Variants in RHOT2 observed in about 807,000 individuals in gnomAD.
The protein encoded by RHOT2 is mitochondrial Rho GTPase 2.
In RHOT2, 90 loss-of-function variants were observed where a neutral mutation model predicts 81.6. The ratio of observed to expected loss-of-function variants is 1.10; its 90% CI spans 0.93 to 1.31. The LOEUF is 1.31. Among genes scored for constraint, RHOT2 ranks in the 40% most tolerant of loss-of-function variants. The pLI is 0.00. For synonymous variants in RHOT2, 512 were observed against 370.9 expected (o/e 1.38, Z -4.37); for missense variants, 1,014 against 841.9 (o/e 1.20, Z -2.53).
chr16:671,793 G>C lies in RHOT2; in HGVS notation c.954+12G>C, dbSNP rs1250832553. ...AGAAGCACGACCAGGTGAGAGCATGGCGAGTCCCCTGCCCCTGCCCCCGCC... is the reference window on the plus strand; with the variant it reads ...AGAAGCACGACCAGGTGAGAGCATGCCGAGTCCCCTGCCCCTGCCCCCGCC... On this transcript the variant is annotated intron_variant, in intron 12 of 18. Transcript: ENST00000315082. 1 of 1,593,590 alleles carries C rather than the reference G, an allele frequency of 6.3e-7. No individual in the cohort carries two copies.
chr16:669,097 C>G, intron 4 of RHOT2: 1 of 388,626 alleles, frequency 2.6e-6, no homozygotes, highest in Non-Finnish European at 4.7e-6. Flanking sequence ...CAGGCCACAG[C>G]CACCCAGGGC....
chr16:673,444 C>T (rs1445102976), intron 18 of RHOT2, 36 bp from the exon 19 acceptor site: 1 of 1,612,166 alleles, frequency 6.2e-7, no homozygotes, highest in South Asian at 1.1e-5. Flanking sequence ...GGGGCATGTG[C>T]CTGAGGTATC....
chr16:672,124 C>T lies in RHOT2; in HGVS notation c.1138C>T (p.Leu380=), dbSNP rs773102278. Residue 380 remains leucine (L), a synonymous_variant, in exon 14 of 19, where the codon CTA becomes TTA. Transcript: ENST00000315082. The part of the protein sequence containing the change: ...YLDVRSCLGH[L]GYLGYPTLCE... ...GGACGTCCGGAGCTGCCTTGGACAC[C>T]TAGGCTACCTGGGCTACCCCACCCT... is the stretch of plus-strand genomic sequence containing the variant. 5 of 1,612,622 alleles carry T rather than the reference C, an allele frequency of 3.1e-6. No homozygotes were observed. In the Admixed American group the frequency reaches 6.7e-5, roughly 21 times the overall value.
Position 673,953 on chromosome 16 carries a change from C to CT in RHOT2, c.*348dup, listed in dbSNP as rs1567267778. On this transcript the variant is annotated 3_prime_UTR_variant, in exon 19 of 19. Transcript: ENST00000315082. ...CCCCAGACCCAGAATTCTCAGGGCT[C>CT]TACCCCCCTTTCCTGGTCCTAGGTG... 1 of 514,536 alleles carries CT rather than the reference C, an allele frequency of 1.9e-6. No individual in the cohort carries two copies. The highest frequency in any genetic ancestry group is 2.3e-5 in the Admixed American group (1 of 42,700). The allele number at this position is 514,536 out of a possible 1,614,324, so 31.9% of individuals were successfully genotyped here.
chr16:668,270 C>A, intron 1 of RHOT2, 34 bp downstream of exon 1: 1 of 984,998 alleles, frequency 1.0e-6, no homozygotes, highest in Non-Finnish European at 1.4e-6. Context: ...GGAGCTGCGG[C>A]GGCCGTGAGG....
chr16:671,259 C>A (rs149019337), intron 11 of RHOT2, 56 bp downstream of exon 11: 1 of 1,503,082 alleles, frequency 6.7e-7, no homozygotes, highest in South Asian at 1.3e-5. Context: ...AGCTGACTGC[C>A]GACTATCTCT....
At chr16:671,300 C>T (rs1375850347) in intron 11 of RHOT2, 97 bp downstream of exon 11, 14 of 1,463,648 alleles carry the variant, frequency 9.6e-6, no homozygotes, top group South Asian at 1.4e-5. Context: ...GGGTTTGAGG[C>T]CTGCCCTCCC....
rs143933290 is a variant in RHOT2 at position 670,460 on chromosome 16, C to A, written c.443C>A (p.Ser148Ter). Residue 148 changes from serine (S) to a stop codon, truncating the protein, a stop_gained, in exon 8 of 19, where the codon TCG (serine) becomes TAG (stop). Coordinates refer to ENST00000315082, the MANE Select transcript of RHOT2 (RefSeq NM_138769.3). LOFTEE classifies it high-confidence loss of function. ...FPEIETCVECSAKNLRNISEL... is the reference protein window; with the variant it reads ...FPEIETCVEC ...AGGCTGTTCCCACTTTCCCAGTGTT[C>A]GGCCAAGAACCTGAGGAACATCTCA... is the stretch of plus-strand genomic sequence containing the variant. 3 of 1,605,036 alleles carry A rather than the reference C, an allele frequency of 1.9e-6. No homozygotes were observed. In the East Asian group the frequency reaches 6.7e-5, roughly 36 times the overall value.
chr16:671,797 G>A lies in RHOT2; in HGVS notation c.954+16G>A, dbSNP rs754742941. ...GCACGACCAGGTGAGAGCATGGCGAGTCCCCTGCCCCTGCCCCCGCCCCCT... is the reference window on the plus strand; with the variant it reads ...GCACGACCAGGTGAGAGCATGGCGAATCCCCTGCCCCTGCCCCCGCCCCCT... On this transcript the variant is annotated intron_variant, in intron 12 of 18. Coordinates refer to ENST00000315082, the MANE Select transcript of RHOT2 (RefSeq NM_138769.3). The A allele has an allele frequency of 2.8e-5, 44 of 1,548,772 alleles. No individual in the cohort carries two copies. Among genetic ancestry groups the A allele is most frequent in the Admixed American group, 3.7e-5 (2 of 53,962 alleles).
In RHOT2 at chr16:670,271, A is replaced by C; in HGVS notation, c.352A>C (p.Asn118His). ...GPRVPIILVG[N>H]KSDLRSGSSM... ...CAGGGTGCCCATCATCCTAGTGGGC[A>C]ACAAGTCAGACCTGCGGTCGGGGAG... Residue 118 changes from asparagine (N) to histidine (H), a missense_variant, in exon 7 of 19, where the codon AAC (asparagine) becomes CAC (histidine). By Grantham distance (68) the Asn-to-His change is moderately conservative. Transcript: ENST00000315082. 6.2e-7 allele frequency: 1 copy of C among 1,612,734 alleles called. No individual in the cohort carries two copies. The highest frequency in any genetic ancestry group is 1.1e-5 in the South Asian group (1 of 91,086).
rs764509006 is a variant in RHOT2, at chr16:670,773, G to C, written c.639G>C (p.Gln213His). 3 of 1,611,824 alleles carry C rather than the reference G, an allele frequency of 1.9e-6. No homozygotes were observed. Among genetic ancestry groups the C allele is most frequent in the Non-Finnish European group, 2.5e-6 (3 of 1,179,798 alleles). Reference sequence around the variant, plus strand: ...GTGACGAAGAGCTCAACGCTTTCCAGGTGTGCCCCTGCCCCACCCTCGGTG... The same window carrying C: ...GTGACGAAGAGCTCAACGCTTTCCACGTGTGCCCCTGCCCCACCCTCGGTG... Reference protein sequence around the residue: ...ALSDEELNAFQKSCFGHPLAP... With the variant: ...ALSDEELNAFHKSCFGHPLAP... Residue 213 changes from glutamine (Q) to histidine (H), a missense_variant and splice_region_variant, in exon 9 of 19, where the codon CAG becomes CAC. By Grantham distance (24) the Gln-to-His change is conservative. Coordinates refer to ENST00000315082, the MANE Select transcript of RHOT2 (RefSeq NM_138769.3).
chr16:668,372 G>T lies in RHOT2; in HGVS notation c.57G>T (p.Ser19=), dbSNP rs1689822997. Residue 19 remains serine (S), a synonymous_variant, in exon 2 of 19, where the codon TCG becomes TCT. Transcript: ENST00000315082. ...GCGCAGCCCAGGTGGGGAAGACGTC[G>T]CTGATCCTGTCCCTGGTGGGCGAGG... is the stretch of plus-strand genomic sequence containing the variant. ...LLGEAQVGKT[S]LILSLVGEEF... is the part of the protein sequence containing the mutation. The T allele has an allele frequency of 6.9e-7, 1 of 1,440,896 alleles. No individual in the cohort carries two copies. Among genetic ancestry groups the T allele is most frequent in the Non-Finnish European group, 9.1e-7 (1 of 1,104,560 alleles). The allele number at this position is 1,440,896 out of a possible 1,614,324, so 89.3% of individuals were successfully genotyped here.
rs2038231630 is a variant in RHOT2 at position 668,209 on chromosome 16, G to T, written c.10G>T (p.Asp4Tyr). ...GCTCCGGGCGGCAGCTATGAGGCGG[G>T]ACGTGCGCATCCTGTTACTGGGCGA... MRRDVRILLLGEAQ... is the reference protein window; with the variant it reads MRRYVRILLLGEAQ... Residue 4 changes from aspartate (D) to tyrosine (Y), a missense_variant, in exon 1 of 19, where the codon GAC (aspartate) becomes TAC (tyrosine). Coordinates refer to ENST00000315082, the MANE Select transcript of RHOT2 (RefSeq NM_138769.3). 1 of 525,302 alleles carries T rather than the reference G, an allele frequency of 1.9e-6. No individual in the cohort carries two copies. The highest frequency in any genetic ancestry group is 3.2e-5 in the East Asian group (1 of 31,262). 32.5% of individuals were successfully genotyped at this position (525,302 alleles called of 1,614,324 possible).
At chr16:668,922 C>A (rs568176353) in intron 4 of RHOT2, 3 of 536,814 alleles carry the variant, frequency 5.6e-6, no homozygotes, top group East Asian at 6.7e-5. Flanking sequence ...TCCCCGCGGG[C>A]TCTCCCTCCC....
intron 18 of RHOT2, 33 bp downstream of exon 18, chr16:673,163 G>A (rs2039262895): frequency 6.3e-7 from 1 of 1,598,572 alleles, no homozygotes. Context: ...CTGGGGACTA[G>A]CAGTGTCTGT....
rs1010822907 is a variant in RHOT2 at position 670,443 on chromosome 16, C to T, written c.439-13C>T. 1.2e-6 allele frequency: 2 copies of T among 1,605,340 alleles called. No individual in the cohort carries two copies. The highest frequency in any genetic ancestry group is 1.7e-6 in the Non-Finnish European group (2 of 1,175,700). The stretch of plus-strand genomic sequence containing the variant: ...CTCGGGGCACTTCCCTGAGGCTGTT[C>T]CCACTTTCCCAGTGTTCGGCCAAGA... On this transcript the variant is annotated splice_polypyrimidine_tract_variant and intron_variant, in intron 7 of 18. Transcript: ENST00000315082.
rs201102853 is a variant in RHOT2, at chr16:672,169, C to G, written c.1183C>G (p.His395Asp). Residue 395 changes from histidine to aspartate, a missense_variant, in exon 14 of 19, where the codon CAT (histidine) becomes GAT (aspartate). Transcript: ENST00000315082. ...CACCCTCTGTGAGCAGGACCAGGCC[C>G]ATGCCATCACAGGTAGGCACCCACC... ...YPTLCEQDQA[H>D]AITVTREKRL... 6.2e-7 allele frequency: 1 copy of G among 1,612,636 alleles called. No individual in the cohort carries two copies. The highest frequency in any genetic ancestry group is 1.3e-5 in the African/African-American group (1 of 74,938).
rs762503557 is a variant in RHOT2, at chr16:670,390, A to AT, written c.438+35dup. Reference sequence around the variant, plus strand: ...GGTCCCAGGCAGGGCCGCCTCCTTCATTCCTTGTGTTCTCAGTCGGTGCCC... The same window carrying AT: ...GGTCCCAGGCAGGGCCGCCTCCTTCATTTCCTTGTGTTCTCAGTCGGTGCCC... On this transcript the variant is annotated intron_variant, in intron 7 of 18. Coordinates refer to ENST00000315082, the MANE Select transcript of RHOT2 (RefSeq NM_138769.3). 1.2e-5 allele frequency: 19 copies of AT among 1,610,880 alleles called. No individual in the cohort carries two copies. The East Asian group carries it at 3.8e-4, about 32-fold the overall frequency.
At chr16:668,592 G>T in intron 3 of RHOT2, 23 bp downstream of exon 3, 1 of 1,610,096 alleles carries the variant, frequency 6.2e-7, no homozygotes, top group Non-Finnish European at 8.5e-7. Context: ...GCCTCCCGGG[G>T]GCCCGGCCCG....
Sources: allele counts gnomAD v4.1 joint callset, GRCh38; gene constraint gnomAD v4.1.1; transcripts MANE v1.5; gene names NCBI Gene and HGNC (gene_info 2026-07-23, HGNC 2026-07-21).